CEP126: variants seen among roughly 807,000 people sequenced by gnomAD.
CEP126 encodes centrosomal protein of 126 kDa.
A neutral mutation model predicts 107.8 loss-of-function variants in CEP126; 74 were observed. The ratio of observed to expected loss-of-function variants is 0.69; its 90% CI spans 0.57 to 0.83. CEP126 has a LOEUF of 0.83. Ranked by LOEUF, CEP126 falls within the 40% of genes least tolerant of loss-of-function variation. CEP126 has a pLI of 0.00. For missense variants in CEP126, 1,237 were observed against 1,281.9 expected (o/e 0.96, Z 0.53); for synonymous variants, 449 against 446.0 (o/e 1.01, Z -0.08).
intron 6 of CEP126, among the ~76,000 whole-genome samples, chr11:101,972,064 T>A (rs946229837): frequency 2.7e-5 from 4 of 149,658 alleles, no homozygotes; most frequent in Non-Finnish European, 4.4e-5. Flanking sequence ...GCCAAGAACA[T>A]GCCACTGCAC....
intron 6 of CEP126, among the ~76,000 whole-genome samples, chr11:101,967,785 A>G (rs1304328251): frequency 6.6e-6 from 1 of 152,242 alleles, no homozygotes; most frequent in Non-Finnish European, 1.5e-5. Context: ...TAATGGATAC[A>G]TCTGTGGGTA....
chr11:101,992,325 A>T (rs985844582), intron 9 of CEP126, among the ~76,000 whole-genome samples: 1 of 152,048 alleles, frequency 6.6e-6, no homozygotes, highest in African/African-American at 2.4e-5. Context: ...TTCTGCCTGA[A>T]TTATTTTTCT....
intron 7 of CEP126, among the ~76,000 whole-genome samples, chr11:101,981,666 AT>A (rs945556347): frequency 1.6e-4 from 25 of 152,210 alleles, no homozygotes; most frequent in African/African-American, 6.0e-4. Flanking sequence ...TAATCTGAAA[AT>A]TTTTTTGTGG....
At chr11:101,956,458 C>G in intron 4 of CEP126, 1 of 456,498 alleles carries the variant, frequency 2.2e-6, no homozygotes, top group Non-Finnish European at 4.4e-6. Flanking sequence ...CAAATCAGCC[C>G]GAGGCCTTTG....
In CEP126 at chr11:101,962,270, GC is replaced by G; in HGVS notation, c.1238del (p.Pro413GlnfsTer15). The G allele has an allele frequency of 6.2e-7, 1 of 1,613,796 alleles. No homozygotes were observed. The highest frequency in any genetic ancestry group is 8.5e-7 in the Non-Finnish European group (1 of 1,179,830). On this transcript the variant is annotated frameshift_variant, in exon 6 of 11. Coordinates refer to ENST00000263468, the MANE Select transcript of CEP126 (RefSeq NM_020802.4). LOFTEE classifies it high-confidence loss of function. ...AGAGAGAGACCATTAGTTACTGAGA[GC>G]CCAACATTTAAATTTAGCAAATCCC... ...FKRERPLVTE[S>X]PTFKFSKSQS...
At chr11:101,983,917 A>G (rs1941286667) in intron 8 of CEP126, among the ~76,000 whole-genome samples, 1 of 152,236 alleles carries the variant, frequency 6.6e-6, no homozygotes, top group Admixed American at 6.5e-5. Flanking sequence ...AAGGACATGG[A>G]TCACCAGGGA....
At chr11:101,981,793 A>G (rs1039050511) in intron 7 of CEP126, 96 bp from the exon 8 acceptor site, 3 of 656,978 alleles carry the variant, frequency 4.6e-6, no homozygotes, top group Non-Finnish European at 7.8e-6. Flanking sequence ...GTAGCTAAAA[A>G]TATATACAGC....
chr11:101,971,846 C>T (rs1285767519), intron 6 of CEP126, among the ~76,000 whole-genome samples: 2 of 152,212 alleles, frequency 1.3e-5, no homozygotes, highest in African/African-American at 2.4e-5. Context: ...CCGTGGCTCA[C>T]GCCTGTAATT....
intron 4 of CEP126, chr11:101,956,421 A>C: frequency 2.2e-6 from 1 of 456,362 alleles, no homozygotes; most frequent in Non-Finnish European, 4.4e-6. Flanking sequence ...TCAGTCCAGC[A>C]ATCTGTTCCA....
chr11:101,993,613 C>A (rs544845559), intron 10 of CEP126, among the ~76,000 whole-genome samples: 1 of 152,284 alleles, frequency 6.6e-6, no homozygotes, highest in South Asian at 2.1e-4. Context: ...GTTTTAAGTT[C>A]TTTAAGAAAT....
intron 8 of CEP126, among the ~76,000 whole-genome samples, chr11:101,985,107 A>T (rs1366179653): frequency 6.6e-6 from 1 of 151,382 alleles, no homozygotes. Context: ...TGGAGTCAGG[A>T]ATAACAGTGA....
At chr11:101,990,202 T>A (rs1195167968) in intron 9 of CEP126, among the ~76,000 whole-genome samples, 2 of 152,080 alleles carry the variant, frequency 1.3e-5, no homozygotes, top group African/African-American at 4.8e-5. Context: ...GGATCTACAC[T>A]GAGTGTGTGT....
rs1268754106 is a variant in CEP126 at position 101,962,281 on chromosome 11, A to C, written c.1246A>C (p.Lys416Gln). The change falls in exon 6 of 11, where the codon AAA (lysine) becomes CAA (glutamine). Residue 416 changes from lysine to glutamine, a missense_variant. Lys to Gln is a moderately conservative substitution (Grantham distance 53). This residue lies in a region of CEP126 where 1,134 missense variants were observed against 1,150.5 expected (regional missense o/e 0.99). Coordinates refer to ENST00000263468, the MANE Select transcript of CEP126 (RefSeq NM_020802.4). ...ATTAGTTACTGAGAGCCCAACATTT[A>C]AATTTAGCAAATCCCAAAGCACTTC... ...RPLVTESPTF[K>Q]FSKSQSTSDS... 6.2e-7 allele frequency: 1 copy of C among 1,613,642 alleles called. No homozygotes were observed. Among genetic ancestry groups the C allele is most frequent in the Non-Finnish European group, 8.5e-7 (1 of 1,179,832 alleles).
chr11:101,995,640 C>G (rs917111776), intron 10 of CEP126, among the ~76,000 whole-genome samples: 5 of 152,170 alleles, frequency 3.3e-5, no homozygotes, highest in African/African-American at 9.7e-5. Flanking sequence ...AGTAGTCAGT[C>G]CAAGTACCCT....
At chr11:101,933,277 T>C (rs750765735) in intron 2 of CEP126, among the ~76,000 whole-genome samples, 5 of 152,178 alleles carry the variant, frequency 3.3e-5, no homozygotes, top group Non-Finnish European at 2.9e-5. Flanking sequence ...AGATAAATCC[T>C]ATGGTAAGGT....
chr11:101,915,484 C>T (rs555804114), intron 1 of CEP126, 72 bp downstream of exon 1: 1 of 1,540,034 alleles, frequency 6.5e-7, no homozygotes, highest in South Asian at 1.2e-5. Context: ...CAATTAGATT[C>T]CCATTACCTT....
intron 2 of CEP126, among the ~76,000 whole-genome samples, chr11:101,939,407 AC>A (rs1157294460): frequency 7.9e-5 from 12 of 152,340 alleles, no homozygotes; most frequent in African/African-American, 2.9e-4. Context: ...GTATTAATAT[AC>A]ATAGTCAAAA....
At position 101,999,645 on chromosome 11, in the gene CEP126, A is replaced by G. The variant is rs535892483; in HGVS notation, c.*2002A>G. On this transcript the variant is annotated 3_prime_UTR_variant, in exon 11 of 11. Coordinates refer to ENST00000263468, the MANE Select transcript of CEP126 (RefSeq NM_020802.4). ...CTGCCCATGACTCCTCCAGAATTTT[A>G]GTAGATACAGGGTGGGTTCATTAAG... The G allele has an allele frequency of 1.5e-4, 23 of 152,206 alleles. No individual in the cohort carries two copies. The highest frequency in any genetic ancestry group is 3.4e-4 in the Non-Finnish European group (23 of 68,034). The allele number at this position is 152,206 out of a possible 1,614,324, so 9.4% of individuals were successfully genotyped here. A position where few individuals can be genotyped will look rare whatever the true frequency, so the allele number is the denominator to read the frequency against.
rs1008122435 is a variant in CEP126 at position 102,000,469 on chromosome 11, G to A, written c.*2826G>A. On this transcript the variant is annotated 3_prime_UTR_variant, in exon 11 of 11. Coordinates refer to ENST00000263468, the MANE Select transcript of CEP126 (RefSeq NM_020802.4). ...AGGCCGAGGCAGGTGGATCATTTGAGCTCAGGAATTCAAGACCAGCCTGGG... is the reference window on the plus strand; with the variant it reads ...AGGCCGAGGCAGGTGGATCATTTGAACTCAGGAATTCAAGACCAGCCTGGG... The A allele has an allele frequency of 1.3e-5, 2 of 152,182 alleles. No individual in the cohort carries two copies. The highest frequency in any genetic ancestry group is 3.9e-4 in the East Asian group (2 of 5,180). The allele number at this position is 152,182 out of a possible 1,614,324, so 9.4% of individuals were successfully genotyped here.
Sources: gnomAD v4.1 joint callset for allele counts (sites outside exome capture counted in the v4.1 genomes callset) on GRCh38, gnomAD v4.1.1 for gene constraint, gnomAD v4.1.1 regional missense constraint, MANE v1.5 for transcripts, NCBI Gene and HGNC (gene_info 2026-07-23, HGNC 2026-07-21) for gene names.